Variants in TENM2 observed in about 807,000 individuals in gnomAD.
The protein encoded by TENM2 is teneurin transmembrane protein 2, also known as teneurin-2.
In TENM2, 52 loss-of-function variants were observed where a neutral mutation model predicts 245.2. The observed-to-expected ratio is 0.21, with a 90% CI of 0.17 to 0.27. TENM2 has a LOEUF of 0.27. TENM2 is among the 10% of genes least tolerant of loss of function. TENM2 has a pLI of 1.00. For missense variants in TENM2, 3,046 were observed against 3,666.8 expected (o/e 0.83, Z 4.37); for synonymous variants, 1,363 against 1,438.9 (o/e 0.95, Z 1.19).
At chr5:167,601,070 C>A (rs146130865) in intron 2 of TENM2, among the ~76,000 whole-genome samples, 1 of 152,296 alleles carries the variant, frequency 6.6e-6, no homozygotes, top group East Asian at 1.9e-4. Context: ...AAAAGCCCTG[C>A]CCGTGTGAAG....
At chr5:167,082,310 A>G in the TENM2 span, among the ~76,000 whole-genome samples, 2 of 151,836 alleles carry the variant, frequency 1.3e-5, no homozygotes, top group Non-Finnish European at 2.9e-5. Context: ...TTTGGGATGG[A>G]GTCTCACTCT....
chr5:167,682,116 C>CCTGCCTGCCTGCCTG lies in TENM2; in HGVS notation c.503-193869_503-193868insTGCCTGCCTGCCTGC, dbSNP rs773062042. ...TCCATCCCTCCCTCCCTCCCTCCCT[C>CCTGCCTGCCTGCCTG]CCTCCCTCCCTGCCTGCCTGCCTGC... On this transcript the variant is annotated intron_variant, in intron 2 of 28. Transcript: ENST00000518659. Among the ~76,000 whole-genome samples, 18 of 103,578 alleles carry CCTGCCTGCCTGCCTG rather than the reference C, an allele frequency of 1.7e-4. 1 individual carries two copies. Among genetic ancestry groups the CCTGCCTGCCTGCCTG allele is most frequent in the African/African-American group, 6.8e-4 (18 of 26,304 alleles). 68.0% of individuals were successfully genotyped at this position (103,578 alleles called of 152,430 possible).
chr5:167,397,333 A>C (rs573060720), intron 2 of TENM2, among the ~76,000 whole-genome samples: 1 of 152,276 alleles, frequency 6.6e-6, no homozygotes, highest in South Asian at 2.1e-4. Flanking sequence ...AACCATACTC[A>C]TCAGGAGACT....
chr5:167,574,593 TCC>T (rs1774516155), intron 2 of TENM2, among the ~76,000 whole-genome samples: 1 of 152,196 alleles, frequency 6.6e-6, no homozygotes, highest in African/African-American at 2.4e-5. Flanking sequence ...TTAAGTGTTG[TCC>T]CAAATGAAAT....
the TENM2 span, among the ~76,000 whole-genome samples, chr5:167,007,950 C>T: frequency 6.6e-6 from 1 of 152,128 alleles, no homozygotes; most frequent in African/African-American, 2.4e-5. This position sits in a 1 kb window ranked among gnomAD's most constrained non-coding sequence, Gnocchi z 4.2. Context: ...TGAATGGGAC[C>T]AGAGCCATCT....
At chr5:168,123,884 C>T (rs1321496573) in intron 10 of TENM2, among the ~76,000 whole-genome samples, 1 of 152,204 alleles carries the variant, frequency 6.6e-6, no homozygotes, top group Admixed American at 6.5e-5. Flanking sequence ...GCTGGGCTTC[C>T]TCTAAAAGGC....
At chr5:167,905,779 G>A (rs1180025596) in intron 3 of TENM2, among the ~76,000 whole-genome samples, 1 of 152,178 alleles carries the variant, frequency 6.6e-6, no homozygotes, top group Admixed American at 6.5e-5. Context: ...GTTGAACAAT[G>A]TGATCATTAT....
chr5:167,339,340 C>G (rs945569249), intron 1 of TENM2, among the ~76,000 whole-genome samples: 2 of 152,140 alleles, frequency 1.3e-5, no homozygotes, highest in African/African-American at 2.4e-5. Context: ...GCTGACAGAT[C>G]TCTGTCCTCT....
intron 2 of TENM2, among the ~76,000 whole-genome samples, chr5:167,381,359 A>C (rs1761086192): frequency 6.6e-6 from 1 of 152,158 alleles, no homozygotes; most frequent in African/African-American, 2.4e-5. Context: ...GAGTAATGTT[A>C]AAGGAGTTTA....
intron 2 of TENM2, among the ~76,000 whole-genome samples, chr5:167,586,634 T>C (rs1337120738): frequency 2.6e-5 from 4 of 152,184 alleles, no homozygotes; most frequent in African/African-American, 9.7e-5. Flanking sequence ...GTTTATTATA[T>C]TTATTCTTGA....
At chr5:167,872,534 A>T (rs1382985746) in intron 2 of TENM2, among the ~76,000 whole-genome samples, 13 of 50,108 alleles carry the variant, frequency 2.6e-4, no homozygotes, top group Admixed American at 2.3e-3. Flanking sequence ...GAAAGAAAGA[A>T]AGAAAGAAAG....
chr5:167,687,887 G>A (rs1384799621), intron 2 of TENM2, among the ~76,000 whole-genome samples: 2 of 152,130 alleles, frequency 1.3e-5, no homozygotes, highest in African/African-American at 2.4e-5. Context: ...TTGCCATTTA[G>A]CAAGAATCAC....
intron 2 of TENM2, among the ~76,000 whole-genome samples, chr5:167,644,620 A>G (rs1396279925): frequency 6.6e-6 from 1 of 152,220 alleles, no homozygotes. Context: ...AGCTTCTACC[A>G]TTGTTCCCAT....
At chr5:167,729,462 T>G (rs1760263609) in intron 2 of TENM2, among the ~76,000 whole-genome samples, 2 of 152,226 alleles carry the variant, frequency 1.3e-5, no homozygotes, top group African/African-American at 4.8e-5. Context: ...ATTAATACCC[T>G]TATTTAGCAA....
intron 2 of TENM2, among the ~76,000 whole-genome samples, chr5:167,843,362 C>G (rs901925098): frequency 6.6e-6 from 1 of 152,176 alleles, no homozygotes; most frequent in Non-Finnish European, 1.5e-5. Context: ...AAGCACCAAA[C>G]TGTGTCTTAC....
intron 2 of TENM2, among the ~76,000 whole-genome samples, chr5:167,872,847 G>A (rs1773103126): frequency 6.6e-6 from 1 of 152,206 alleles, no homozygotes; most frequent in South Asian, 2.1e-4. Flanking sequence ...ATGAATTCAT[G>A]CTGAACAAAA....
intron 2 of TENM2, among the ~76,000 whole-genome samples, chr5:167,808,728 T>C (rs1272737059): frequency 2.0e-5 from 3 of 152,180 alleles, no homozygotes; most frequent in Non-Finnish European, 4.4e-5. Context: ...AATATATCCA[T>C]GTAGGATTTT....
intron 2 of TENM2, among the ~76,000 whole-genome samples, chr5:167,567,865 G>A (rs900107621): frequency 6.6e-6 from 1 of 151,824 alleles, no homozygotes. Context: ...ATTTCCGAAT[G>A]ACAGAATTGC....
At chr5:167,290,769 CAAAA>C (rs35347108) in intron 1 of TENM2, among the ~76,000 whole-genome samples, 6 of 122,562 alleles carry the variant, frequency 4.9e-5, no homozygotes, top group African/African-American at 1.6e-4. Context: ...TTTTACAAGT[CAAAA>C]AAAAAAAAAA....
Sources: allele counts gnomAD v4.1 joint callset (sites outside exome capture counted in the v4.1 genomes callset), GRCh38; gene constraint gnomAD v4.1.1; non-coding constraint Gnocchi (gnomAD v3.1); transcripts MANE v1.5; gene names NCBI Gene and HGNC (gene_info 2026-07-23, HGNC 2026-07-21).